The following SHLD1 variants were observed in gnomAD, a reference collection of about 807,000 sequenced individuals.
SHLD1 encodes the protein RINN1-REV7-interacting novel NHEJ regulator 3.
SHLD1 carries 3 observed loss-of-function variants against 5.5 expected under a neutral mutation model. That is an observed-to-expected ratio of 0.54 (90% CI 0.25 to 1.40). The LOEUF (loss-of-function observed/expected upper bound fraction) is 1.40. Ranked by LOEUF, SHLD1 falls within the 40% of genes most tolerant of loss-of-function variation. The pLI is 0.15. For synonymous variants in SHLD1, 92 were observed against 94.3 expected (o/e 0.98, Z 0.14); for missense variants, 210 against 244.4 (o/e 0.86, Z 0.94).
intron 2 of SHLD1, among the ~76,000 whole-genome samples, chr20:5,777,792 A>C (rs1448009859): frequency 6.6e-6 from 1 of 152,150 alleles, no homozygotes; most frequent in Non-Finnish European, 1.5e-5. Flanking sequence ...AGTGACCAAG[A>C]GGATGATACC....
At chr20:5,787,772 G>A (rs1244238917) in intron 2 of SHLD1, among the ~76,000 whole-genome samples, 3 of 152,148 alleles carry the variant, frequency 2.0e-5, no homozygotes, top group African/African-American at 7.2e-5. Context: ...TATTTATCAC[G>A]GTGCCCTGCT....
intron 2 of SHLD1, among the ~76,000 whole-genome samples, chr20:5,805,416 C>G (rs1036988476): frequency 6.6e-6 from 1 of 152,182 alleles, no homozygotes; most frequent in South Asian, 2.1e-4. Flanking sequence ...CTCAGCCTCC[C>G]GAAGTGCTGA....
chr20:5,814,724 A>G (rs369186980), intron 2 of SHLD1, among the ~76,000 whole-genome samples: 1 of 140,078 alleles, frequency 7.1e-6, no homozygotes, highest in Non-Finnish European at 1.5e-5. Context: ...CAGTGGTGCA[A>G]TTTCCTCAGC....
At chr20:5,790,280 T>A (rs978775409) in intron 2 of SHLD1, among the ~76,000 whole-genome samples, 2 of 152,110 alleles carry the variant, frequency 1.3e-5, no homozygotes, top group African/African-American at 4.8e-5. Context: ...GCATGAGGCC[T>A]GGGAAAACAT....
chr20:5,835,546 C>G (rs1406481415), intron 2 of SHLD1, among the ~76,000 whole-genome samples: 1 of 152,218 alleles, frequency 6.6e-6, no homozygotes, highest in Non-Finnish European at 1.5e-5. Flanking sequence ...AGGGGATGGG[C>G]ACAGCGTCCC....
chr20:5,858,054 G>A (rs1460818384), intron 2 of SHLD1, among the ~76,000 whole-genome samples: 5 of 149,214 alleles, frequency 3.4e-5, no homozygotes, highest in East Asian at 2.0e-4. Context: ...AGCCAAGATC[G>A]CGCCACTGCA....
chr20:5,798,265 A>C (rs1211803211), intron 2 of SHLD1, among the ~76,000 whole-genome samples: 1 of 151,962 alleles, frequency 6.6e-6, no homozygotes, highest in African/African-American at 2.4e-5. Context: ...GGAAATCGCA[A>C]GAGTGAGCCT....
Position 5,812,824 on chromosome 20 carries a change from G to A in SHLD1, c.178+39781G>A, listed in dbSNP as rs148475070. ...CTGTTCCTAGGGTCGGGGATACACA[G>A]TGAACAAAATAGACAAAGGCTCTCC... On this transcript the variant is annotated intron_variant, in intron 2 of 2. Transcript: ENST00000303142. 1.7e-3 allele frequency among the ~76,000 whole-genome samples: 254 copies of A among 152,252 alleles called. 1 individual carries two copies. The highest frequency in any genetic ancestry group is 5.7e-3 in the African/African-American group (236 of 41,562).
At chr20:5,785,583 G>A (rs954702973) in intron 2 of SHLD1, among the ~76,000 whole-genome samples, 12 of 152,102 alleles carry the variant, frequency 7.9e-5, no homozygotes, top group African/African-American at 2.7e-4. Flanking sequence ...ATCACCTGAG[G>A]TCAGGAGTTC....
chr20:5,851,110 G>A (rs1034684889), intron 2 of SHLD1, among the ~76,000 whole-genome samples: 30 of 152,200 alleles, frequency 2.0e-4, no homozygotes, highest in African/African-American at 4.3e-4. Flanking sequence ...GCTGCCATCC[G>A]AATGCCACCT....
chr20:5,771,456 C>G (rs1451169678), intron 1 of SHLD1, among the ~76,000 whole-genome samples: 1 of 152,158 alleles, frequency 6.6e-6, no homozygotes, highest in Admixed American at 6.6e-5. Context: ...CTTGGTGTCA[C>G]TTGTTTCAGG....
chr20:5,813,720 T>G (rs1056237818), intron 2 of SHLD1, among the ~76,000 whole-genome samples: 13 of 152,172 alleles, frequency 8.5e-5, no homozygotes, highest in Non-Finnish European at 1.5e-4. Flanking sequence ...TACATTTTTG[T>G]TTTGCTTGTA....
At chr20:5,781,895 C>T (rs890153188) in intron 2 of SHLD1, among the ~76,000 whole-genome samples, 11 of 152,338 alleles carry the variant, frequency 7.2e-5, no homozygotes, top group East Asian at 3.9e-4. Flanking sequence ...ATAACCAATA[C>T]AGCAGTATTG....
At chr20:5,823,181 C>G (rs1568520132) in intron 2 of SHLD1, among the ~76,000 whole-genome samples, 1 of 152,110 alleles carries the variant, frequency 6.6e-6, no homozygotes, top group African/African-American at 2.4e-5. Flanking sequence ...GGACCCCTCC[C>G]TCAGCTTCTC....
intron 2 of SHLD1, among the ~76,000 whole-genome samples, chr20:5,817,974 C>T (rs1308977508): frequency 6.6e-6 from 1 of 152,194 alleles, no homozygotes; most frequent in Non-Finnish European, 1.5e-5. Flanking sequence ...ATCTTGCGTC[C>T]CTTCTCTCAG....
chr20:5,774,085 T>C (rs1246916608), intron 2 of SHLD1, among the ~76,000 whole-genome samples: 7 of 152,078 alleles, frequency 4.6e-5, no homozygotes, highest in Non-Finnish European at 1.0e-4. Flanking sequence ...GCGCCTGTAA[T>C]ACCAGCTACT....
chr20:5,786,589 AAAAAAG>A (rs869029152), intron 2 of SHLD1, among the ~76,000 whole-genome samples: 12 of 134,258 alleles, frequency 8.9e-5, no homozygotes, highest in Admixed American at 2.2e-4. Flanking sequence ...AAATTAAAAA[AAAAAAG>A]AAAAGAAAAA....
At chr20:5,825,960 G>A (rs1600158743) in intron 2 of SHLD1, among the ~76,000 whole-genome samples, 1 of 152,180 alleles carries the variant, frequency 6.6e-6, no homozygotes, top group Non-Finnish European at 1.5e-5. Flanking sequence ...GACCACTCAG[G>A]GTTGGGATGT....
At chr20:5,769,978 TG>T (rs1217517070) in intron 1 of SHLD1, among the ~76,000 whole-genome samples, 1 of 120,558 alleles carries the variant, frequency 8.3e-6, no homozygotes, top group African/African-American at 3.3e-5. Context: ...CACTCCAGCC[TG>T]GGCAACAAGA....
Sources: allele counts gnomAD v4.1 joint callset (sites outside exome capture counted in the v4.1 genomes callset), GRCh38; gene constraint gnomAD v4.1.1; transcripts MANE v1.5; gene names NCBI Gene and HGNC (gene_info 2026-07-23, HGNC 2026-07-21).